The following PARP2 variants were observed in gnomAD, a reference collection of about 807,000 sequenced individuals.
PARP2 encodes poly [ADP-ribose] polymerase 2.
Under a neutral mutation model 77.8 loss-of-function variants are expected in PARP2, and 57 were observed. That is an observed-to-expected ratio of 0.73 (90% confidence interval 0.59 to 0.91). The LOEUF (loss-of-function observed/expected upper bound fraction) is 0.91, where lower values mean the gene tolerates loss of function less well. Ranked by LOEUF, PARP2 falls within the 40% of genes least tolerant of loss-of-function variation. The pLI is 0.00. For missense variants in PARP2, 651 were observed against 689.0 expected (o/e 0.94, Z 0.62); for synonymous variants, 226 against 242.6 (o/e 0.93, Z 0.64).
At chr14:20,353,323 G>A (rs975702499) in intron 7 of PARP2, among the ~76,000 whole-genome samples, 2 of 150,728 alleles carry the variant, frequency 1.3e-5, no homozygotes, top group African/African-American at 2.4e-5. Context: ...CTCACTGCAC[G>A]CTCCGCCTCT....
intron 3 of PARP2, 161 bp from the exon 4 acceptor site, chr14:20,346,702 G>A (rs1883732190): frequency 3.4e-6 from 2 of 586,112 alleles, no homozygotes; most frequent in Non-Finnish European, 6.2e-6. Context: ...GTTACACCCA[G>A]GTTACTGGTA....
At chr14:20,350,208 T>G (rs1883906286) in intron 4 of PARP2, among the ~76,000 whole-genome samples, 1 of 152,180 alleles carries the variant, frequency 6.6e-6, no homozygotes, top group Non-Finnish European at 1.5e-5. Flanking sequence ...AAAACACATA[T>G]AGCTTAGAAA....
chr14:20,353,662 A>AT (rs1884040122), intron 7 of PARP2, among the ~76,000 whole-genome samples: 1 of 152,232 alleles, frequency 6.6e-6, no homozygotes, highest in South Asian at 2.1e-4. Flanking sequence ...TTTAATTTAG[A>AT]TAAACTGAGG....
chr14:20,344,791 C>T (rs895135717), intron 1 of PARP2, 141 bp from the exon 2 acceptor site: 14 of 630,868 alleles, frequency 2.2e-5, no homozygotes, highest in Non-Finnish European at 3.6e-5. Context: ...CCAGCCTGGG[C>T]GAGAGAGTGA....
At position 20,354,098 on chromosome 14, in the gene PARP2, C is replaced by G; in HGVS notation, c.614C>G (p.Thr205Arg). ...YATNTQDEEE[T>R]KKEESLKSPL... ...TTTTTGCTATAGGATGAAGAGGAAA[C>G]AAAGAAAGAGGAATCTCTTAAATCT... Residue 205 changes from threonine (T) to arginine (R), a missense_variant, in exon 8 of 16, where the codon ACA becomes AGA. Transcript: ENST00000429687. 6.2e-7 allele frequency: 1 copy of G among 1,612,412 alleles called. No homozygotes were observed. The highest frequency in any genetic ancestry group is 1.1e-5 in the South Asian group (1 of 90,952).
At chr14:20,352,151 G>A in intron 6 of PARP2, 94 bp from the exon 7 acceptor site, 8 of 705,136 alleles carry the variant, frequency 1.1e-5, no homozygotes, top group Admixed American at 6.8e-5. Flanking sequence ...GCTCAGTGCT[G>A]GAAAATAAAT....
At chr14:20,353,953 C>A in intron 7 of PARP2, 132 bp from the exon 8 acceptor site, 1 of 687,588 alleles carries the variant, frequency 1.5e-6, no homozygotes, top group Non-Finnish European at 2.4e-6. Context: ...TTTTTCCTTG[C>A]TTCTCATTAT....
chr14:20,352,438 G>C (rs969365412), intron 7 of PARP2, 91 bp downstream of exon 7: 6 of 746,870 alleles, frequency 8.0e-6, no homozygotes, highest in African/African-American at 1.8e-5. Context: ...CCCAGGCTGG[G>C]TGGCACAATC....
At chr14:20,353,280 C>T (rs929304539) in intron 7 of PARP2, among the ~76,000 whole-genome samples, 13 of 151,166 alleles carry the variant, frequency 8.6e-5, no homozygotes, top group East Asian at 1.9e-4. Context: ...CTCGCTCTGT[C>T]GCCCAGGCTG....
intron 5 of PARP2, 189 bp downstream of exon 5, chr14:20,350,811 GA>G: frequency 3.3e-6 from 2 of 604,938 alleles, no homozygotes; most frequent in South Asian, 2.1e-5. Context: ...GTTCCCACTG[GA>G]AAAACTAAGA....
chr14:20,348,692 T>C (rs953982487), intron 4 of PARP2, among the ~76,000 whole-genome samples: 9 of 152,212 alleles, frequency 5.9e-5, no homozygotes, highest in Non-Finnish European at 1.3e-4. Context: ...TCTTACTATT[T>C]CTTCTACTTA....
chr14:20,350,456 T>C (rs894411693), intron 4 of PARP2, 70 bp from the exon 5 acceptor site: 2 of 741,734 alleles, frequency 2.7e-6, no homozygotes, highest in African/African-American at 3.5e-5. Flanking sequence ...TGACGAAGGA[T>C]GAGTCATTGG....
chr14:20,354,052 A>G, intron 7 of PARP2, 33 bp from the exon 8 acceptor site: 1 of 1,559,574 alleles, frequency 6.4e-7, no homozygotes, highest in Non-Finnish European at 8.8e-7. Flanking sequence ...GATTTCTTAG[A>G]TTGTCTTGTG....
intron 4 of PARP2, among the ~76,000 whole-genome samples, chr14:20,350,003 C>T (rs1179487683): frequency 6.6e-6 from 1 of 152,148 alleles, no homozygotes; most frequent in Non-Finnish European, 1.5e-5. Flanking sequence ...AGTGGTTTTG[C>T]GTATCCCTTG....
At chr14:20,356,111 T>C in intron 11 of PARP2, 80 bp downstream of exon 11, 2 of 1,524,416 alleles carry the variant, frequency 1.3e-6, no homozygotes, top group Non-Finnish European at 1.8e-6. Context: ...AACTACTTCT[T>C]GTCAAGAGCA....
At position 20,344,927 on chromosome 14, in the gene PARP2, T is replaced by G. The variant is rs757268691; in HGVS notation, c.47-5T>G. 3.1e-6 allele frequency: 5 copies of G among 1,607,412 alleles called. No individual in the cohort carries two copies. The Admixed American group carries it at 6.7e-5, about 22-fold the overall frequency. ...TCATTCTTTGCTAATTTCCAAATTC[T>G]GTAGCATTAAATGAAAGCAAAAGAG... On this transcript the variant is annotated splice_region_variant and splice_polypyrimidine_tract_variant and intron_variant, in intron 1 of 15. Coordinates refer to ENST00000429687, the MANE Select transcript of PARP2 (RefSeq NM_001042618.2).
chr14:20,345,832 A>G (rs1883697492), intron 3 of PARP2, among the ~76,000 whole-genome samples: 1 of 152,144 alleles, frequency 6.6e-6, no homozygotes, highest in African/African-American at 2.4e-5. Flanking sequence ...GGCACGTCAC[A>G]TGGCAAAAGC....
At chr14:20,355,683 C>A in intron 9 of PARP2, 69 bp from the exon 10 acceptor site, 1 of 1,229,908 alleles carries the variant, frequency 8.1e-7, no homozygotes, top group South Asian at 1.2e-5. Context: ...CTGTCATTTT[C>A]TATTTTTAGT....
At chr14:20,349,094 T>C (rs1404403679) in intron 4 of PARP2, among the ~76,000 whole-genome samples, 1 of 152,044 alleles carries the variant, frequency 6.6e-6, no homozygotes, top group Non-Finnish European at 1.5e-5. Flanking sequence ...ATCCTAGCAC[T>C]TTCGGAGGCC....
Sources: allele counts gnomAD v4.1 joint callset (sites outside exome capture counted in the v4.1 genomes callset), GRCh38; gene constraint gnomAD v4.1.1; transcripts MANE v1.5; gene names NCBI Gene and HGNC (gene_info 2026-07-23, HGNC 2026-07-21).